The following CLNK variants were observed in gnomAD, a reference collection of about 807,000 sequenced individuals.
CLNK encodes cytokine dependent hematopoietic cell linker.
CLNK carries 74 observed loss-of-function variants against 68.6 expected under a neutral mutation model. That is an observed-to-expected ratio of 1.08 (90% CI 0.89 to 1.31). The LOEUF (loss-of-function observed/expected upper bound fraction) is 1.31. Among genes scored for constraint, CLNK ranks in the 50% most tolerant of loss-of-function variants. The pLI is 0.00. For missense variants in CLNK, 553 were observed against 515.3 expected (o/e 1.07, Z -0.71); for synonymous variants, 198 against 172.2 (o/e 1.15, Z -1.17).
At chr4:10,589,262 G>C (rs13141253) in intron 3 of CLNK, among the ~76,000 whole-genome samples, 146,026 of 152,278 alleles carry the variant, frequency 0.96, 70,268 homozygotes, top group Non-Finnish European at 1. Context: ...TGAAGTGGCA[G>C]AAGCAATTGG....
chr4:10,730,547 A>G, the CLNK span, among the ~76,000 whole-genome samples: 32 of 152,232 alleles, frequency 2.1e-4, no homozygotes, highest in Middle Eastern at 3.4e-3. Context: ...CCCCTACCTC[A>G]AAAGGGAGTT....
chr4:10,546,128 T>C (rs1045309665), intron 8 of CLNK, among the ~76,000 whole-genome samples: 1 of 152,224 alleles, frequency 6.6e-6, no homozygotes, highest in South Asian at 2.1e-4. Context: ...CTTCTATCCC[T>C]GTTAATCTCT....
chr4:10,614,780 C>G (rs1722163910), intron 2 of CLNK, among the ~76,000 whole-genome samples: 1 of 152,210 alleles, frequency 6.6e-6, no homozygotes, highest in African/African-American at 2.4e-5. Context: ...ATCAAAAAAT[C>G]AATACATAAA....
intron 3 of CLNK, among the ~76,000 whole-genome samples, chr4:10,592,539 T>C (rs1560232377): frequency 6.6e-6 from 1 of 151,616 alleles, no homozygotes; most frequent in East Asian, 1.9e-4. Context: ...TCTATTTAAG[T>C]ATCTAGTAAG....
At chr4:10,540,459 G>A (rs1332676776) in intron 11 of CLNK, 35 bp downstream of exon 11, 2 of 1,502,402 alleles carry the variant, frequency 1.3e-6, no homozygotes, top group Admixed American at 1.7e-5. Flanking sequence ...CCACACTCTT[G>A]CTGGTCATTT....
chr4:10,573,835 G>A (rs1720445857), intron 4 of CLNK, among the ~76,000 whole-genome samples: 1 of 151,978 alleles, frequency 6.6e-6, no homozygotes, highest in Non-Finnish European at 1.5e-5. Context: ...CTGTGTCTGT[G>A]GGTACAGACC....
rs1467422215 is a variant in CLNK, at chr4:10,490,326, C to T, written c.*141G>A. 2 of 679,184 alleles carry T rather than the reference C, an allele frequency of 2.9e-6. No homozygotes were observed. The highest frequency in any genetic ancestry group is 4.4e-6 in the Non-Finnish European group (2 of 457,140). 42.1% of individuals were successfully genotyped at this position (679,184 alleles called of 1,614,324 possible). Reference sequence around the variant, plus strand: ...AACTTTCAAAACCGTGAGTGATTTTCCACTCTCTGTTATAGAGTGTTTTTC... The same window carrying T: ...AACTTTCAAAACCGTGAGTGATTTTTCACTCTCTGTTATAGAGTGTTTTTC... On this transcript the variant is annotated 3_prime_UTR_variant, in exon 19 of 19. Coordinates refer to ENST00000226951, the MANE Select transcript of CLNK (RefSeq NM_052964.4).
chr4:10,605,555 G>A (rs553985144), intron 2 of CLNK, among the ~76,000 whole-genome samples: 15 of 152,152 alleles, frequency 9.9e-5, no homozygotes, highest in African/African-American at 3.6e-4. Flanking sequence ...GGTGGGGCAC[G>A]GTGGCTCACA....
chr4:10,647,578 A>G (rs1177775772), intron 2 of CLNK, among the ~76,000 whole-genome samples: 1 of 152,194 alleles, frequency 6.6e-6, no homozygotes, highest in Admixed American at 6.5e-5. Context: ...TGACTTGTAG[A>G]AAAAGAAGTC....
intron 3 of CLNK, among the ~76,000 whole-genome samples, chr4:10,593,671 A>G (rs1052117439): frequency 6.6e-6 from 1 of 151,986 alleles, no homozygotes; most frequent in African/African-American, 2.4e-5. Flanking sequence ...AACAAAACAA[A>G]ACAACCCAGA....
At chr4:10,529,844 G>T (rs1297665722) in intron 12 of CLNK, among the ~76,000 whole-genome samples, 1 of 152,090 alleles carries the variant, frequency 6.6e-6, no homozygotes, top group African/African-American at 2.4e-5. Context: ...TGGTTTGAGG[G>T]CTCTGAATTT....
At chr4:10,675,136 A>T (rs1370181036) in intron 1 of CLNK, among the ~76,000 whole-genome samples, 1 of 152,244 alleles carries the variant, frequency 6.6e-6, no homozygotes, top group East Asian at 1.9e-4. Context: ...CATGTATCCC[A>T]GAACTTAAAG....
chr4:10,649,739 T>G (rs1037677908), intron 2 of CLNK, among the ~76,000 whole-genome samples: 3 of 151,786 alleles, frequency 2.0e-5, no homozygotes, highest in African/African-American at 7.3e-5. Context: ...ATCTGAGTAA[T>G]GTAAGGAAGG....
intron 7 of CLNK, among the ~76,000 whole-genome samples, chr4:10,564,405 A>G (rs1560218299): frequency 6.6e-6 from 1 of 152,224 alleles, no homozygotes; most frequent in Non-Finnish European, 1.5e-5. Context: ...ATTAGATGAG[A>G]TGCATGTCAA....
At chr4:10,518,061 A>G (rs1233570772) in intron 15 of CLNK, among the ~76,000 whole-genome samples, 1 of 152,104 alleles carries the variant, frequency 6.6e-6, no homozygotes, top group Non-Finnish European at 1.5e-5. Flanking sequence ...AACCCCATGA[A>G]ATAGGACTCT....
the CLNK span, among the ~76,000 whole-genome samples, chr4:10,717,388 G>A: frequency 0.32 from 49,029 of 152,084 alleles, 8,312 homozygotes; most frequent in African/African-American, 0.41. Context: ...TTGAGGCCAA[G>A]AGTTTGAGAC....
the CLNK span, among the ~76,000 whole-genome samples, chr4:10,733,344 C>T: frequency 6.6e-6 from 1 of 152,164 alleles, no homozygotes; most frequent in Admixed American, 6.5e-5. Context: ...CCTTCACTGC[C>T]CGTTCAGATC....
chr4:10,597,750 T>G (rs1721439958), intron 3 of CLNK, among the ~76,000 whole-genome samples: 2 of 152,146 alleles, frequency 1.3e-5, no homozygotes, highest in Non-Finnish European at 2.9e-5. Context: ...AGGCCTGGCC[T>G]GCAGAGCTGT....
intron 2 of CLNK, among the ~76,000 whole-genome samples, chr4:10,663,588 G>A (rs1400868453): frequency 6.6e-6 from 1 of 152,034 alleles, no homozygotes; most frequent in African/African-American, 2.4e-5. Context: ...TGCTTGTATT[G>A]TATGTCTGCA....
Sources: allele counts gnomAD v4.1 joint callset (sites outside exome capture counted in the v4.1 genomes callset), GRCh38; gene constraint gnomAD v4.1.1; transcripts MANE v1.5; gene names NCBI Gene and HGNC (gene_info 2026-07-23, HGNC 2026-07-21).